OR9Q1: variants seen among roughly 807,000 people sequenced by gnomAD.
The protein encoded by OR9Q1 is olfactory receptor family 9 subfamily Q member 1.
For missense variants in OR9Q1, 374 were observed against 378.8 expected (o/e 0.99, Z 0.11); for synonymous variants, 153 against 148.6 (o/e 1.03, Z -0.22).
chr11:58,070,768 G>T (rs2120018605), intron 2 of OR9Q1, among the ~76,000 whole-genome samples: 1 of 152,326 alleles, frequency 6.6e-6, no homozygotes, highest in East Asian at 1.9e-4. Flanking sequence ...TGGGCACTGG[G>T]TTAGTTGAGG....
chr11:58,031,420 T>C, intron 1 of OR9Q1: 1 of 1,614,118 alleles, frequency 6.2e-7, no homozygotes, highest in Non-Finnish European at 8.5e-7. Context: ...GGCTGGTAGG[T>C]TTCCTCACAC....
intron 2 of OR9Q1, among the ~76,000 whole-genome samples, chr11:58,098,064 A>T (rs1853748421): frequency 6.6e-6 from 1 of 152,176 alleles, no homozygotes; most frequent in African/African-American, 2.4e-5. Flanking sequence ...CTTTATATCA[A>T]TTAAATCTCA....
At chr11:58,042,982 T>C (rs1011068107) in intron 1 of OR9Q1, among the ~76,000 whole-genome samples, 2 of 152,234 alleles carry the variant, frequency 1.3e-5, no homozygotes, top group African/African-American at 4.8e-5. Context: ...CTTGTGATTT[T>C]TGTACATTGA....
chr11:58,180,638 C>T lies in OR9Q1; in HGVS notation c.*261C>T, dbSNP rs143205795. Reference sequence around the variant, plus strand: ...TAAAGCCTGTGCAATCCAAATATGGCACACTTCACCTGTCTGTGATTATAA... The same window carrying T: ...TAAAGCCTGTGCAATCCAAATATGGTACACTTCACCTGTCTGTGATTATAA... On this transcript the variant is annotated 3_prime_UTR_variant, in exon 3 of 3. Transcript: ENST00000335397. 320 of 333,446 alleles carry T rather than the reference C, an allele frequency of 9.6e-4. 1 individual carries two copies. The highest frequency in any genetic ancestry group is 6.1e-3 in the African/African-American group (289 of 47,044). 20.7% of individuals were successfully genotyped at this position (333,446 alleles called of 1,614,324 possible).
intron 2 of OR9Q1, among the ~76,000 whole-genome samples, chr11:58,146,159 C>T (rs185667238): frequency 7.9e-5 from 12 of 152,272 alleles, no homozygotes; most frequent in Middle Eastern, 3.4e-3. Flanking sequence ...TTCTCGATCA[C>T]CAAAGGTCAG....
At chr11:58,033,520 T>G (rs1370570000) in intron 1 of OR9Q1, among the ~76,000 whole-genome samples, 1 of 152,196 alleles carries the variant, frequency 6.6e-6, no homozygotes, top group Non-Finnish European at 1.5e-5. Flanking sequence ...ATCAAATATT[T>G]TGTTTTCTCA....
At chr11:58,064,626 G>A (rs1033917003) in intron 2 of OR9Q1, among the ~76,000 whole-genome samples, 1 of 152,158 alleles carries the variant, frequency 6.6e-6, no homozygotes, top group Non-Finnish European at 1.5e-5. Context: ...TCCCTGAGAT[G>A]CAGGAGTCAT....
intron 2 of OR9Q1, among the ~76,000 whole-genome samples, chr11:58,061,061 G>GT (rs2070668901): frequency 6.6e-6 from 1 of 152,074 alleles, no homozygotes; most frequent in Non-Finnish European, 1.5e-5. Context: ...TAGTTGTTGA[G>GT]TGCATGAGTG....
chr11:58,121,389 CT>C (rs1425120494), intron 2 of OR9Q1, among the ~76,000 whole-genome samples: 4 of 152,182 alleles, frequency 2.6e-5, no homozygotes, highest in South Asian at 2.1e-4. Flanking sequence ...GTTCCCATCT[CT>C]TTTTTTTCCC....
At chr11:58,135,956 G>C (rs1294989684) in intron 2 of OR9Q1, among the ~76,000 whole-genome samples, 1 of 152,144 alleles carries the variant, frequency 6.6e-6, no homozygotes, top group Admixed American at 6.5e-5. Context: ...TAGCCTTTGG[G>C]TTCTTAGCCC....
chr11:58,168,758 G>A (rs1854528840), intron 2 of OR9Q1, among the ~76,000 whole-genome samples: 1 of 151,894 alleles, frequency 6.6e-6, no homozygotes, highest in African/African-American at 2.4e-5. Flanking sequence ...GCTTCTTGTG[G>A]TTGTGTGTAT....
chr11:58,075,894 A>G (rs899447949), intron 2 of OR9Q1, among the ~76,000 whole-genome samples: 1 of 152,216 alleles, frequency 6.6e-6, no homozygotes, highest in African/African-American at 2.4e-5. Flanking sequence ...ATCACTTACT[A>G]TGTGCCAACC....
chr11:58,053,348 A>T lies in OR9Q1; in HGVS notation c.-92-2522A>T, dbSNP rs1019343637. ...TCATTCTCAGTAAACTATCGCAAGG[A>T]CAAAAAACCAAACACCACATGTTCT... On this transcript the variant is annotated intron_variant, in intron 1 of 2. Transcript: ENST00000335397. Among the ~76,000 whole-genome samples the T allele has an allele frequency of 9.3e-5, 14 of 149,792 alleles. 1 individual carries two copies. The highest frequency in any genetic ancestry group is 3.4e-4 in the African/African-American group (14 of 40,808).
intron 1 of OR9Q1, chr11:58,040,782 C>T (rs1424087964): frequency 6.6e-6 from 1 of 152,234 alleles, no homozygotes; most frequent in Non-Finnish European, 1.5e-5. Context: ...TTCAGTTTTT[C>T]CCACTTGCGA....
At chr11:58,141,766 A>G (rs1406336496) in intron 2 of OR9Q1, among the ~76,000 whole-genome samples, 3 of 152,182 alleles carry the variant, frequency 2.0e-5, no homozygotes, top group Non-Finnish European at 4.4e-5. Flanking sequence ...TGAGTTTGGA[A>G]CAAACTCTGT....
chr11:58,125,533 G>A (rs1468660602), intron 2 of OR9Q1: 1 of 152,182 alleles, frequency 6.6e-6, no homozygotes, highest in Non-Finnish European at 1.5e-5. Context: ...TCAAATAGAC[G>A]TATGTAGCTG....
chr11:58,107,322 C>G (rs535085968), intron 2 of OR9Q1, among the ~76,000 whole-genome samples: 1 of 152,234 alleles, frequency 6.6e-6, no homozygotes, highest in East Asian at 1.9e-4. Flanking sequence ...TCCAAGTGTT[C>G]TTATTGTTCA....
rs138648537 is a variant in OR9Q1, at chr11:58,090,785, G to A, written c.-15+34838G>A. 2.1e-3 allele frequency among the ~76,000 whole-genome samples: 316 copies of A among 152,086 alleles called. 3 individuals carry two copies. The highest frequency in any genetic ancestry group is 3.5e-3 in the Non-Finnish European group (235 of 67,978). On this transcript the variant is annotated intron_variant, in intron 2 of 2. Coordinates refer to ENST00000335397, the MANE Select transcript of OR9Q1 (RefSeq NM_001005212.4). ...TCCATCTGGTCCTGGGCATTTTTTC[G>A]TTGGTAGGCTATTAATTACTGCCTG...
chr11:58,036,211 C>T lies in OR9Q1; in HGVS notation c.-93+12107C>T, dbSNP rs143456514. 3.2e-4 allele frequency among the ~76,000 whole-genome samples: 48 copies of T among 152,146 alleles called. No homozygotes were observed. The East Asian group carries it at 8.1e-3, about 26-fold the overall frequency. On this transcript the variant is annotated intron_variant, in intron 1 of 2. Coordinates refer to ENST00000335397, the MANE Select transcript of OR9Q1 (RefSeq NM_001005212.4). ...ACTTAACTGATAAATATGTGTGTTC[C>T]GACTGCTTCACTGAGTAAACATTTT...
Sources: gnomAD v4.1 joint callset for allele counts (sites outside exome capture counted in the v4.1 genomes callset) on GRCh38, gnomAD v4.1.1 for gene constraint, MANE v1.5 for transcripts, NCBI Gene and HGNC (gene_info 2026-07-23, HGNC 2026-07-21) for gene names.